ABTB2: variants seen among roughly 807,000 people sequenced by gnomAD.
ABTB2 encodes ankyrin repeat and BTB domain containing 2.
In ABTB2, 56 loss-of-function variants were observed where a neutral mutation model predicts 104.1. The ratio of observed to expected loss-of-function variants is 0.54; its 90% CI spans 0.43 to 0.67. ABTB2 has a LOEUF of 0.67. ABTB2 is among the 30% of genes least tolerant of loss of function. The pLI, the probability that ABTB2 is intolerant of heterozygous loss-of-function variation, is 0.00. For missense variants in ABTB2, 1,279 were observed against 1,407.7 expected, an observed-to-expected ratio of 0.91 and a Z score of 1.46; for synonymous variants, 606 against 608.2, an observed-to-expected ratio of 1.00 and a Z score of 0.05.
At chr11:34,246,335 C>T (rs931873482) in intron 1 of ABTB2, among the ~76,000 whole-genome samples, 1 of 152,146 alleles carries the variant, frequency 6.6e-6, no homozygotes, top group Non-Finnish European at 1.5e-5. Context: ...GGTGTGGTGG[C>T]TCACGCCTGT....
intron 1 of ABTB2, among the ~76,000 whole-genome samples, chr11:34,340,863 A>C (rs1855253961): frequency 1.3e-5 from 2 of 152,196 alleles, no homozygotes; most frequent in Non-Finnish European, 2.9e-5. Flanking sequence ...CTCCTAGTTC[A>C]AACAAACAAA....
intron 11 of ABTB2, 26 bp from the exon 12 acceptor site, chr11:34,160,379 T>G (rs1454367522): frequency 6.4e-7 from 1 of 1,553,462 alleles, no homozygotes; most frequent in Non-Finnish European, 8.9e-7. Flanking sequence ...AGAGGGCCTG[T>G]GAGCTGCCCG....
At chr11:34,169,976 A>G (rs1415695805) in intron 5 of ABTB2, among the ~76,000 whole-genome samples, 2 of 152,198 alleles carry the variant, frequency 1.3e-5, no homozygotes, top group Non-Finnish European at 2.9e-5. Flanking sequence ...ACCTCATCTG[A>G]GAACACTGCC....
chr11:34,197,488 A>C lies in ABTB2; in HGVS notation c.1081T>G (p.Cys361Gly). The C allele has an allele frequency of 1.3e-6, 2 of 1,579,926 alleles. No homozygotes were observed. Among genetic ancestry groups the C allele is most frequent in the Non-Finnish European group, 1.7e-6 (2 of 1,165,768 alleles). ...TGGCGGGCAGGGCTGGCACCCGGGCACAGGGGGTGACGCCCCTGCATGTGG... is the reference window on the plus strand; with the variant it reads ...TGGCGGGCAGGGCTGGCACCCGGGCCCAGGGGGTGACGCCCCTGCATGTGG... ...MHHMQGRHPL[C>G]PGASPARQAR... is the part of the protein sequence containing the mutation. Residue 361 changes from cysteine (C) to glycine (G), a missense_variant, in exon 3 of 17, where the codon TGC becomes GGC. Coordinates refer to ENST00000435224, the MANE Select transcript of ABTB2 (RefSeq NM_145804.3).
chr11:34,316,375 C>T (rs982699911), intron 1 of ABTB2, among the ~76,000 whole-genome samples: 1 of 152,210 alleles, frequency 6.6e-6, no homozygotes, highest in Non-Finnish European at 1.5e-5. Context: ...TAGCACTCGC[C>T]TTTCAGCAAT....
At chr11:34,175,493 G>C (rs1852949341) in intron 3 of ABTB2, among the ~76,000 whole-genome samples, 1 of 152,156 alleles carries the variant, frequency 6.6e-6, no homozygotes, top group African/African-American at 2.4e-5. Context: ...TTGTTGTGTG[G>C]GTACTCGAAG....
chr11:34,212,374 C>T (rs930836273), intron 1 of ABTB2, among the ~76,000 whole-genome samples: 3 of 152,166 alleles, frequency 2.0e-5, no homozygotes, highest in African/African-American at 7.2e-5. Context: ...CAGGTTTTAA[C>T]CATGGCTAAT....
intron 1 of ABTB2, among the ~76,000 whole-genome samples, chr11:34,227,721 A>C (rs1853705776): frequency 6.6e-6 from 1 of 151,828 alleles, no homozygotes; most frequent in East Asian, 1.9e-4. Flanking sequence ...GGTAATTGTA[A>C]CTTTTTTTTT....
At chr11:34,253,657 T>C (rs903278617) in intron 1 of ABTB2, among the ~76,000 whole-genome samples, 13 of 147,536 alleles carry the variant, frequency 8.8e-5, no homozygotes, top group African/African-American at 2.3e-4. Context: ...GTCTGCGCAA[T>C]AGAGCGAGAT....
chr11:34,201,966 GACAC>G (rs148981126), intron 2 of ABTB2, among the ~76,000 whole-genome samples: 63 of 151,968 alleles, frequency 4.1e-4, no homozygotes, highest in Non-Finnish European at 7.9e-4. Flanking sequence ...CATGTGTGCA[GACAC>G]ACACACACAC....
intron 1 of ABTB2, among the ~76,000 whole-genome samples, chr11:34,231,734 C>A (rs1317668172): frequency 6.6e-6 from 1 of 152,142 alleles, no homozygotes; most frequent in East Asian, 1.9e-4. Context: ...CCATGCCCAG[C>A]TAATTTTTTG....
At chr11:34,221,383 T>C (rs1350125510) in intron 1 of ABTB2, among the ~76,000 whole-genome samples, 1 of 152,226 alleles carries the variant, frequency 6.6e-6, no homozygotes, top group African/African-American at 2.4e-5. Context: ...AGTCACACTC[T>C]CAGGTAGTGG....
chr11:34,156,140 T>A (rs997719660), intron 14 of ABTB2, among the ~76,000 whole-genome samples: 1 of 152,158 alleles, frequency 6.6e-6, no homozygotes, highest in African/African-American at 2.4e-5. Context: ...CCTGCTGCAT[T>A]TTAGGATTTG....
intron 1 of ABTB2, among the ~76,000 whole-genome samples, chr11:34,245,282 G>A (rs1853971062): frequency 6.6e-6 from 1 of 152,206 alleles, no homozygotes; most frequent in Non-Finnish European, 1.5e-5. Context: ...ACCCTGGCGA[G>A]AGCTGAGGAC....
chr11:34,154,857 C>CCCTGGAG lies in ABTB2; in HGVS notation c.2698-89_2698-88insCTCCAGG. 7.5e-7 allele frequency: 1 copy of CCCTGGAG among 1,340,428 alleles called. No homozygotes were observed. The highest frequency in any genetic ancestry group is 1.1e-6 in the Non-Finnish European group (1 of 944,460). The allele number at this position is 1,340,428 out of a possible 1,614,324, so 83.0% of individuals were successfully genotyped here. ...CCCCACAGGGTACTGCTCCAGCTGC[C>CCCTGGAG]GCCTCCAGGGGCCTGTCCCTCTGCA... On this transcript the variant is annotated intron_variant, in intron 14 of 16. Transcript: ENST00000435224. The surrounding 1 kb of genome is among the most constrained non-coding windows in gnomAD (Gnocchi z 4.9).
intron 3 of ABTB2, among the ~76,000 whole-genome samples, chr11:34,186,317 T>C (rs904982757): frequency 4.6e-5 from 7 of 152,138 alleles, no homozygotes; most frequent in African/African-American, 1.7e-4. Flanking sequence ...TGCAAGAGGA[T>C]AGAAATCCCA....
Position 34,152,078 on chromosome 11 carries a change from T to G in ABTB2, c.*309A>C. ...GGGCCTGGGCGGAGGTGGATCAGGA[T>G]CAGCTGCTGACCTGCAGGAGGGGAG... On this transcript the variant is annotated 3_prime_UTR_variant, in exon 17 of 17. Coordinates refer to ENST00000435224, the MANE Select transcript of ABTB2 (RefSeq NM_145804.3). 2 of 393,568 alleles carry G rather than the reference T, an allele frequency of 5.1e-6. No homozygotes were observed. The highest frequency in any genetic ancestry group is 2.5e-5 in the South Asian group (1 of 39,894). The allele number at this position is 393,568 out of a possible 1,614,324, so 24.4% of individuals were successfully genotyped here.
At chr11:34,253,506 T>C (rs1452639371) in intron 1 of ABTB2, among the ~76,000 whole-genome samples, 1 of 152,034 alleles carries the variant, frequency 6.6e-6, no homozygotes, top group Non-Finnish European at 1.5e-5. Context: ...TGAAACCTCA[T>C]CTTTACTAAA....
intron 7 of ABTB2, 55 bp from the exon 8 acceptor site, chr11:34,165,411 G>A: frequency 6.7e-7 from 1 of 1,495,744 alleles, no homozygotes; most frequent in African/African-American, 1.4e-5. Context: ...GAGCACCTGG[G>A]AAGGGCCAGG....
Sources: gnomAD v4.1 joint callset for allele counts (sites outside exome capture counted in the v4.1 genomes callset) on GRCh38, gnomAD v4.1.1 for gene constraint, Gnocchi (gnomAD v3.1) non-coding constraint, MANE v1.5 for transcripts, NCBI Gene and HGNC (gene_info 2026-07-23, HGNC 2026-07-21) for gene names.